Variants in TREM1 observed in about 807,000 individuals in gnomAD.
The protein encoded by TREM1 is triggering receptor expressed on monocytes 1.
In TREM1, 16 loss-of-function variants were observed where a neutral mutation model predicts 22.4. The observed-to-expected ratio is 0.71, with a 90% CI of 0.48 to 1.08. The LOEUF (loss-of-function observed/expected upper bound fraction) is 1.08, where lower values mean the gene tolerates loss of function less well. Ranked by LOEUF, TREM1 falls within the 50% of genes least tolerant of loss-of-function variation. The pLI is 0.00. For synonymous variants in TREM1, 110 were observed against 111.6 expected (o/e 0.99, Z 0.09); for missense variants, 283 against 282.9 (o/e 1.00, Z 0.00).
Position 41,282,454 on chromosome 6 carries a change from T to C in TREM1, c.347A>G (p.Tyr116Cys). 1 of 1,614,104 alleles carries C rather than the reference T, an allele frequency of 6.2e-7. No individual in the cohort carries two copies. The highest frequency in any genetic ancestry group is 1.3e-5 in the African/African-American group (1 of 75,034). The change falls in exon 2 of 4, where the codon TAC (tyrosine) becomes TGC (cysteine). Residue 116 changes from tyrosine (Y) to cysteine (C), a missense_variant. By Grantham distance (194) the Tyr-to-Cys change is radical. Transcript: ENST00000244709. ...CATGTGAGGCTCCTTGGGAGGCTGG[T>C]AGATCACACACTGATACAGTCCAGA... is the stretch of plus-strand genomic sequence containing the variant. ...EDSGLYQCVIYQPPKEPHMLF... is the reference protein window; with the variant it reads ...EDSGLYQCVICQPPKEPHMLF...
rs761498057 is a variant in TREM1, at chr6:41,280,967, A to T, written c.593T>A (p.Ile198Asn). The T allele has an allele frequency of 6.8e-6, 11 of 1,614,120 alleles. No homozygotes were observed. The highest frequency in any genetic ancestry group is 7.6e-6 in the Non-Finnish European group (9 of 1,180,062). Residue 198 changes from isoleucine (I) to asparagine (N), a missense_variant, in exon 3 of 4, where the codon ATC becomes AAC. Coordinates refer to ENST00000244709, the MANE Select transcript of TREM1 (RefSeq NM_018643.5). ...SEINLTNVTDIIRVPVFNIVI... is the reference protein window; with the variant it reads ...SEINLTNVTDNIRVPVFNIVI... ...AGGGACCTGGAAACTATACCTGATG[A>T]TATCTGTCACATTTGTAAGGTTGAT...
At chr6:41,281,332 T>C in intron 2 of TREM1, 179 bp from the exon 3 acceptor site, 1 of 716,760 alleles carries the variant, frequency 1.4e-6, no homozygotes, top group Non-Finnish European at 2.2e-6. Flanking sequence ...AAGTTTTCCT[T>C]TGCTAAAGCC....
rs34727391 is a variant in TREM1, at chr6:41,282,397, T to A, written c.404A>T (p.Lys135Met). ...CCCCCAAGTCCCAGGCCACTCACCC[T>A]TGGTCACCACCAAGCGGATGCGATC... ...LFDRIRLVVTKGFSGTPGSNE... is the reference protein window; with the variant it reads ...LFDRIRLVVTMGFSGTPGSNE... Residue 135 changes from lysine to methionine, a missense_variant and splice_region_variant, in exon 2 of 4, where the codon AAG (lysine) becomes ATG (methionine). Coordinates refer to ENST00000244709, the MANE Select transcript of TREM1 (RefSeq NM_018643.5). The A allele has an allele frequency of 6.2e-7, 1 of 1,605,224 alleles. No homozygotes were observed. Among genetic ancestry groups the A allele is most frequent in the African/African-American group, 1.3e-5 (1 of 74,818 alleles).
At chr6:41,273,211 T>G (rs1561914712), downstream of TREM1, among the ~76,000 whole-genome samples, 2 of 152,212 alleles carry the variant, frequency 1.3e-5, no homozygotes, top group Admixed American at 6.5e-5. Context: ...GCAGTGGCAT[T>G]GATGGCAACA....
Position 41,282,695 on chromosome 6 carries a change from T to A in TREM1, c.106A>T (p.Thr36Ser). ...GTGTAGTCACATTTCACATCCAGGG[T>A]CTGCCCCTCTTTCAGTTCATACTTT... ...EEKYELKEGQ[T>S]LDVKCDYTLE... Residue 36 changes from threonine to serine, a missense_variant, in exon 2 of 4, where the codon ACC becomes TCC. Transcript: ENST00000244709. 6.2e-7 allele frequency: 1 copy of A among 1,614,116 alleles called. No individual in the cohort carries two copies. The highest frequency in any genetic ancestry group is 8.5e-7 in the Non-Finnish European group (1 of 1,180,008).
At chr6:41,283,715 A>ACACACACACAC (rs1554147912) in intron 1 of TREM1, among the ~76,000 whole-genome samples, 7 of 134,654 alleles carry the variant, frequency 5.2e-5, no homozygotes, top group African/African-American at 2.4e-4. Context: ...CTGTTAAAAA[A>ACACACACACAC]AAAAACACAC....
rs144520387 is a variant in TREM1, at chr6:41,279,149, C to G, written c.599+1812G>C. Reference sequence around the variant, plus strand: ...CCTGAGCCAAGCAGAGACGACCATCCCTTTACCCACAGAGGGCGCCAATTC... The same window carrying G: ...CCTGAGCCAAGCAGAGACGACCATCGCTTTACCCACAGAGGGCGCCAATTC... On this transcript the variant is annotated intron_variant, in intron 3 of 3. Transcript: ENST00000244709. Among the ~76,000 whole-genome samples, 1,054 of 152,296 alleles carry G rather than the reference C, an allele frequency of 6.9e-3. 8 individuals carry two copies. The highest frequency in any genetic ancestry group is 0.02 in the African/African-American group (819 of 41,550).
chr6:41,276,114 G>A lies in TREM1; in HGVS notation c.*11C>T, dbSNP rs953861062. On this transcript the variant is annotated 3_prime_UTR_variant, in exon 4 of 4. Coordinates refer to ENST00000244709, the MANE Select transcript of TREM1 (RefSeq NM_018643.5). ...CTGGAAGTCAGAGGACATTCTCGTG[G>A]GTTCGTGGGCCTAGGGTACAAATGA... The A allele has an allele frequency of 1.2e-6, 2 of 1,609,256 alleles. No homozygotes were observed. The highest frequency in any genetic ancestry group is 1.7e-5 in the Admixed American group (1 of 59,968).
At chr6:41,276,557 C>A (rs1362219082) in intron 3 of TREM1, among the ~76,000 whole-genome samples, 1 of 152,134 alleles carries the variant, frequency 6.6e-6, no homozygotes, top group Non-Finnish European at 1.5e-5. Flanking sequence ...GTACCGTACC[C>A]TGCCTACTGG....
chr6:41,277,437 A>ACTCAGCATC (rs1767716807), intron 3 of TREM1, among the ~76,000 whole-genome samples: 1 of 152,074 alleles, frequency 6.6e-6, no homozygotes, highest in Non-Finnish European at 1.5e-5. Flanking sequence ...ATGGTGGCGC[A>ACTCAGCATC]CTCAGCATCC....
chr6:41,278,461 A>C (rs919182988), intron 3 of TREM1, among the ~76,000 whole-genome samples: 43 of 151,854 alleles, frequency 2.8e-4, no homozygotes, highest in African/African-American at 9.9e-4. Context: ...CTTGATCCCA[A>C]GAATTCGAGA....
chr6:41,281,440 A>C, intron 2 of TREM1: 3 of 400,664 alleles, frequency 7.5e-6, no homozygotes, highest in Non-Finnish European at 9.0e-6. Context: ...GAGAAGAAGA[A>C]AGGAATTTTT....
chr6:41,286,515 G>A, intron 1 of TREM1, 92 bp downstream of exon 1: 2 of 1,410,582 alleles, frequency 1.4e-6, no homozygotes, highest in Non-Finnish European at 2.0e-6. Flanking sequence ...CTCTATCTTG[G>A]ATGGCCCTGT....
In TREM1 at chr6:41,275,116, T is replaced by C. The variant is rs1055654415; in HGVS notation, c.*1009A>G. 3.3e-5 allele frequency: 5 copies of C among 151,972 alleles called. 1 individual carries two copies. The East Asian group carries it at 9.7e-4, about 29-fold the overall frequency. The allele number at this position is 151,972 out of a possible 1,614,324, so 9.4% of individuals were successfully genotyped here. On this transcript the variant is annotated 3_prime_UTR_variant, in exon 4 of 4. Transcript: ENST00000244709. ...ACCGGGGAGGGCACTGGAGAGAGCA[T>C]GGAAACTGAGGCAGGTGTTCCAGGA...
Position 41,280,960 on chromosome 6 carries a change from C to A in TREM1, c.599+1G>T, listed in dbSNP as rs1177189732. 1.9e-6 allele frequency: 3 copies of A among 1,614,070 alleles called. No individual in the cohort carries two copies. The highest frequency in any genetic ancestry group is 1.1e-5 in the South Asian group (1 of 91,078). ...GGGGCCCAGGGACCTGGAAACTATA[C>A]CTGATGATATCTGTCACATTTGTAA... On this transcript the variant is annotated splice_donor_variant, in intron 3 of 3. Transcript: ENST00000244709. LOFTEE classifies it high-confidence loss of function.
chr6:41,281,424 G>T, intron 2 of TREM1: 1 of 434,778 alleles, frequency 2.3e-6, no homozygotes, highest in East Asian at 3.8e-5. Context: ...AGGGAGAGCA[G>T]AAAGAGAGAA....
At position 41,276,223 on chromosome 6, in the gene TREM1, C is replaced by T. The variant is rs989179945; in HGVS notation, c.607G>A (p.Val203Met). The T allele has an allele frequency of 1.2e-6, 2 of 1,613,766 alleles. No individual in the cohort carries two copies. Among genetic ancestry groups the T allele is most frequent in the Non-Finnish European group, 1.7e-6 (2 of 1,179,826 alleles). Residue 203 changes from valine (V) to methionine (M), a missense_variant, in exon 4 of 4, where the codon GTG becomes ATG. Physicochemically the swap from Val to Met is conservative, Grantham distance 21. Coordinates refer to ENST00000244709, the MANE Select transcript of TREM1 (RefSeq NM_018643.5). ...TNVTDIIRVP[V>M]FNIVILLAGG... ...GCCAGGAGAATGACAATGTTGAACA[C>T]CGGAACCCTGCGGGAGACAAGAGGC... is the stretch of plus-strand genomic sequence containing the variant.
rs1767576240 is a variant in TREM1, at chr6:41,274,154, T to C, written c.*1971A>G. Among the ~76,000 whole-genome samples, 1 of 152,128 alleles carries C rather than the reference T, an allele frequency of 6.6e-6. No homozygotes were observed. Among genetic ancestry groups the C allele is most frequent in the Non-Finnish European group, 1.5e-5 (1 of 68,006 alleles). Reference sequence around the variant, plus strand: ...CACAAGCATGCACTGGACCATGCAGTGGGTTATGTCTGGATGAATCTGTAT... The same window carrying C: ...CACAAGCATGCACTGGACCATGCAGCGGGTTATGTCTGGATGAATCTGTAT... On this transcript the variant is annotated 3_prime_UTR_variant, in exon 4 of 4. Coordinates refer to ENST00000244709, the MANE Select transcript of TREM1 (RefSeq NM_018643.5).
Position 41,282,425 on chromosome 6 carries a change from A to G in TREM1, c.376T>C (p.Phe126Leu). ...GTCACCACCAAGCGGATGCGATCGA[A>G]CAGCATGTGAGGCTCCTTGGGAGGC... ...YQPPKEPHML[F>L]DRIRLVVTKG... The change falls in exon 2 of 4, where the codon TTC (phenylalanine) becomes CTC (leucine). Residue 126 changes from phenylalanine (F) to leucine (L), a missense_variant. By Grantham distance (22) the Phe-to-Leu change is conservative. Transcript: ENST00000244709. 1 of 1,613,444 alleles carries G rather than the reference A, an allele frequency of 6.2e-7. No individual in the cohort carries two copies. The highest frequency in any genetic ancestry group is 8.5e-7 in the Non-Finnish European group (1 of 1,179,646).
Sources: allele counts gnomAD v4.1 joint callset (sites outside exome capture counted in the v4.1 genomes callset), GRCh38; gene constraint gnomAD v4.1.1; transcripts MANE v1.5; gene names NCBI Gene and HGNC (gene_info 2026-07-23, HGNC 2026-07-21).